The following RTN2 variants were observed in gnomAD, a reference collection of about 807,000 sequenced individuals.
RTN2 encodes the protein reticulon-2.
Under a neutral mutation model 63.7 loss-of-function variants are expected in RTN2, and 36 were observed. The observed-to-expected ratio is 0.56, with a 90% CI of 0.43 to 0.75. The LOEUF (loss-of-function observed/expected upper bound fraction) is 0.75, where lower values mean the gene tolerates loss of function less well. Ranked by LOEUF, RTN2 falls within the 30% of genes least tolerant of loss-of-function variation. The probability of loss-of-function intolerance (pLI) is 0.00; values close to 1 mark genes in which losing one functional copy is unlikely to be tolerated. For synonymous variants in RTN2, 312 were observed against 313.0 expected, an observed-to-expected ratio of 1.00 and a Z score of 0.03; for missense variants, 673 against 705.1, an observed-to-expected ratio of 0.95 and a Z score of 0.52.
Position 45,496,468 on chromosome 19 carries a change from AG to A in RTN2, c.34+323del, listed in dbSNP as rs1599916001. The A allele has an allele frequency of 4.3e-5, 12 of 276,516 alleles. No individual in the cohort carries two copies. In the East Asian group the frequency reaches 7.1e-4, roughly 16 times the overall value. 17.1% of individuals were successfully genotyped at this position (276,516 alleles called of 1,614,324 possible). On this transcript the variant is annotated intron_variant, in intron 1 of 10. Transcript: ENST00000245923. ...CCCTCCGTTCAACCCCCTCCCCGCC[AG>A]CTGCGGCCAGCACCAGAGCCAGGGG...
intron 5 of RTN2, among the ~76,000 whole-genome samples, chr19:45,490,183 G>A (rs2122214717): frequency 6.6e-6 from 1 of 152,062 alleles, no homozygotes; most frequent in East Asian, 1.9e-4. Flanking sequence ...TGTATTTTTA[G>A]TAGAGACGGG....
intron 9 of RTN2, among the ~76,000 whole-genome samples, chr19:45,486,604 T>C (rs543186260): frequency 6.6e-6 from 1 of 152,064 alleles, no homozygotes; most frequent in Non-Finnish European, 1.5e-5. Context: ...CTCAGCCTCC[T>C]GAGTTCAAGC....
intron 9 of RTN2, 131 bp downstream of exon 9, chr19:45,488,340 T>C: frequency 1.2e-6 from 1 of 829,684 alleles, no homozygotes; most frequent in Non-Finnish European, 2.0e-6. Context: ...TCTGGTTGTA[T>C]TGGGAAGGTG....
chr19:45,491,164 A>T (rs1968150146), intron 5 of RTN2, among the ~76,000 whole-genome samples: 1 of 151,048 alleles, frequency 6.6e-6, no homozygotes, highest in South Asian at 2.1e-4. Context: ...TGCTGGGATT[A>T]CAGGCGTGAG....
At chr19:45,491,186 G>A (rs756534565) in intron 5 of RTN2, among the ~76,000 whole-genome samples, 15 of 150,486 alleles carry the variant, frequency 1.0e-4, no homozygotes, top group African/African-American at 3.7e-4. Context: ...CACCACGCCC[G>A]GCCACATTTT....
In RTN2 at chr19:45,493,032, A is replaced by T; in HGVS notation, c.1033+128T>A. The T allele has an allele frequency of 3.0e-6, 3 of 986,158 alleles. No homozygotes were observed. In the Admixed American group the frequency reaches 5.7e-5, roughly 19 times the overall value. The allele number at this position is 986,158 out of a possible 1,614,324, so 61.1% of individuals were successfully genotyped here. A position where few individuals can be genotyped will look rare whatever the true frequency, so the allele number is the denominator to read the frequency against. ...TCCCTATACTGCCCCTCGGCCCCCTAGCCCCAGCCTGCAGCGCTGCGGAAG... is the reference window on the plus strand; with the variant it reads ...TCCCTATACTGCCCCTCGGCCCCCTTGCCCCAGCCTGCAGCGCTGCGGAAG... On this transcript the variant is annotated intron_variant, in intron 5 of 10. Coordinates refer to ENST00000245923, the MANE Select transcript of RTN2 (RefSeq NM_005619.5).
At chr19:45,485,996 G>A in intron 10 of RTN2, 59 bp downstream of exon 10, 1 of 1,539,574 alleles carries the variant, frequency 6.5e-7, no homozygotes, top group Admixed American at 1.7e-5. Context: ...GAGTAGAAAG[G>A]AAAGGTTCCC....
At chr19:45,496,490 A>T (rs1038555061) in intron 1 of RTN2, 6 of 306,696 alleles carry the variant, frequency 2.0e-5, no homozygotes, top group Non-Finnish European at 3.6e-5. Context: ...CACCAGAGCC[A>T]GGGGACAGCT....
At chr19:45,491,944 A>G (rs1968170704) in intron 5 of RTN2, among the ~76,000 whole-genome samples, 1 of 152,012 alleles carries the variant, frequency 6.6e-6, no homozygotes, top group South Asian at 2.1e-4. Flanking sequence ...TATTTTTTTA[A>G]TGTCATAAAT....
intron 9 of RTN2, among the ~76,000 whole-genome samples, chr19:45,487,088 G>T (rs938931200): frequency 3.1e-5 from 4 of 131,142 alleles, no homozygotes; most frequent in African/African-American, 1.2e-4. Context: ...TGTTGCCCAG[G>T]CTGGAGTGCA....
intron 1 of RTN2, among the ~76,000 whole-genome samples, chr19:45,496,332 C>T (rs1968267295): frequency 1.3e-5 from 2 of 152,246 alleles, no homozygotes; most frequent in Non-Finnish European, 2.9e-5. Flanking sequence ...TTTCCCGGGA[C>T]AGGGTTGGAC....
Position 45,485,584 on chromosome 19 carries a change from C to T in RTN2, c.*124G>A, listed in dbSNP as rs1968000646. 1 of 761,140 alleles carries T rather than the reference C, an allele frequency of 1.3e-6. No homozygotes were observed. Among genetic ancestry groups the T allele is most frequent in the Non-Finnish European group, 2.3e-6 (1 of 438,542 alleles). The allele number at this position is 761,140 out of a possible 1,614,324, so 47.1% of individuals were successfully genotyped here. A position where few individuals can be genotyped will look rare whatever the true frequency, so the allele number is the denominator to read the frequency against. The stretch of plus-strand genomic sequence containing the variant: ...GCGCAGAGTCCCTAGTGGGAGTGAT[C>T]CTGACACCCACCGGGAAAAGGCTCG... On this transcript the variant is annotated 3_prime_UTR_variant, in exon 11 of 11. Coordinates refer to ENST00000245923, the MANE Select transcript of RTN2 (RefSeq NM_005619.5).
chr19:45,485,662 G>T lies in RTN2; in HGVS notation c.*46C>A. 6.7e-7 allele frequency: 1 copy of T among 1,489,984 alleles called. No individual in the cohort carries two copies. Among genetic ancestry groups the T allele is most frequent in the Non-Finnish European group, 9.3e-7 (1 of 1,071,734 alleles). 92.3% of individuals were successfully genotyped at this position (1,489,984 alleles called of 1,614,324 possible). On this transcript the variant is annotated 3_prime_UTR_variant, in exon 11 of 11. Coordinates refer to ENST00000245923, the MANE Select transcript of RTN2 (RefSeq NM_005619.5). ...GACAAGAGATGGAGGGGGCCAGAGG[G>T]CTGCGGGGGCTGGGGGCAGGCGTCC... is the stretch of plus-strand genomic sequence containing the variant.
chr19:45,490,549 G>GTGTA (rs1206293204), intron 5 of RTN2, among the ~76,000 whole-genome samples: 2 of 123,326 alleles, frequency 1.6e-5, no homozygotes, highest in Non-Finnish European at 3.7e-5. Context: ...GTGTGTGTGT[G>GTGTA]TGTGTGTGTG....
chr19:45,490,735 C>G (rs890971450), intron 5 of RTN2, among the ~76,000 whole-genome samples: 1 of 151,668 alleles, frequency 6.6e-6, no homozygotes, highest in Admixed American at 6.6e-5. Flanking sequence ...CTCCACCACA[C>G]CCGGCTAATT....
chr19:45,496,732 G>T, intron 1 of RTN2, 60 bp downstream of exon 1: 3 of 1,221,224 alleles, frequency 2.5e-6, no homozygotes, highest in Non-Finnish European at 3.3e-6. Context: ...AGGGGACACC[G>T]GGGAGTACCC....
Position 45,494,814 on chromosome 19 carries a change from G to A in RTN2, c.271C>T (p.Arg91Cys), listed in dbSNP as rs1009984474. ...TGGTCTCGTGGTTCCGAGACTGAGC[G>A]GCCCTGGGGGCGGGGGCGGCGGGCA... ...STARRPRPQG[R>C]SVSEPRDQHP... The change falls in exon 3 of 11, where the codon CGC becomes TGC. Residue 91 changes from arginine to cysteine, a missense_variant. Arg to Cys is a radical substitution (Grantham distance 180). Coordinates refer to ENST00000245923, the MANE Select transcript of RTN2 (RefSeq NM_005619.5). This position sits in a 1 kb window ranked among gnomAD's most constrained non-coding sequence, Gnocchi z 5.3. The A allele has an allele frequency of 2.5e-6, 4 of 1,603,584 alleles. No homozygotes were observed. The highest frequency in any genetic ancestry group is 1.1e-5 in the South Asian group (1 of 91,066).
intron 5 of RTN2, 87 bp downstream of exon 5, chr19:45,493,073 A>C (rs1335907093): frequency 6.4e-5 from 82 of 1,279,692 alleles, no homozygotes; most frequent in Non-Finnish European, 9.2e-5. Flanking sequence ...CAGTAATAAA[A>C]ATGCTCCGGA....
At chr19:45,487,032 CTTTTTTTT>C (rs34799041) in intron 9 of RTN2, among the ~76,000 whole-genome samples, 409 of 39,162 alleles carry the variant, frequency 0.01, 5 homozygotes, top group African/African-American at 0.027. Flanking sequence ...CATGCCCAGC[CTTTTTTTT>C]TTTTTTTTTT....
Sources: allele counts gnomAD v4.1 joint callset (sites outside exome capture counted in the v4.1 genomes callset), GRCh38; gene constraint gnomAD v4.1.1; non-coding constraint Gnocchi (gnomAD v3.1); transcripts MANE v1.5; gene names NCBI Gene and HGNC (gene_info 2026-07-23, HGNC 2026-07-21).